FARS2: variants seen among roughly 807,000 people sequenced by gnomAD.
FARS2 encodes the protein phenylalanyl-tRNA synthetase 2, mitochondrial.
FARS2 carries 40 observed loss-of-function variants against 46.4 expected under a neutral mutation model. The ratio of observed to expected loss-of-function variants is 0.86; its 90% CI spans 0.67 to 1.12. FARS2 has a LOEUF of 1.12. Among genes scored for constraint, FARS2 ranks in the 50% most tolerant of loss-of-function variants. The probability of loss-of-function intolerance (pLI) is 0.00; values close to 1 mark genes in which losing one functional copy is unlikely to be tolerated. For synonymous variants in FARS2, 234 were observed against 214.9 expected, an observed-to-expected ratio of 1.09 and a Z score of -0.78; for missense variants, 513 against 567.9, an observed-to-expected ratio of 0.90 and a Z score of 0.98.
Position 5,664,081 on chromosome 6 carries a change from A to G in FARS2, c.1217+50761A>G, listed in dbSNP as rs188190885. Among the ~76,000 whole-genome samples, 613 of 152,374 alleles carry G rather than the reference A, an allele frequency of 4.0e-3. 2 individuals are homozygous for G. The highest frequency in any genetic ancestry group is 4.2e-3 in the Admixed American group (64 of 15,310). ...GCTCTGCAGTGAAAGTGCAATCTGA[A>G]CACAAATTAAGTGGCAGCTTTGGGG... On this transcript the variant is annotated intron_variant, in intron 6 of 6. Transcript: ENST00000274680.
chr6:5,313,670 G>A (rs887765582), intron 1 of FARS2, among the ~76,000 whole-genome samples: 16 of 152,068 alleles, frequency 1.1e-4, no homozygotes, highest in African/African-American at 3.6e-4. Context: ...CAGCCTAGGT[G>A]GAGCCTTAGA....
Position 5,369,098 on chromosome 6 carries a change from T to C in FARS2, c.528T>C (p.Asp176=), listed in dbSNP as rs1208331324. The change falls in exon 2 of 7, where the codon GAT becomes GAC. Residue 176 remains aspartate (D), a synonymous_variant. Transcript: ENST00000274680. Reference sequence around the variant, plus strand: ...TGGATGCCTTCCTGGTGGTGGGTGATGTCTACAGGCGTGACCAGATCGACT... The same window carrying C: ...TGGATGCCTTCCTGGTGGTGGGTGACGTCTACAGGCGTGACCAGATCGACT... ...AGLDAFLVVG[D]VYRRDQIDSQ... is the part of the protein sequence containing the mutation. 1.2e-6 allele frequency: 2 copies of C among 1,613,718 alleles called. No homozygotes were observed. Among genetic ancestry groups the C allele is most frequent in the Non-Finnish European group, 1.7e-6 (2 of 1,180,010 alleles).
At chr6:5,527,713 T>G (rs762754525) in intron 4 of FARS2, among the ~76,000 whole-genome samples, 104 of 152,310 alleles carry the variant, frequency 6.8e-4, no homozygotes, top group Non-Finnish European at 4.4e-4. Context: ...TCCCTGAAGC[T>G]CTGTATGCAA....
At chr6:5,664,209 A>G (rs1443672069) in intron 6 of FARS2, among the ~76,000 whole-genome samples, 1 of 152,238 alleles carries the variant, frequency 6.6e-6, no homozygotes, top group Non-Finnish European at 1.5e-5. Context: ...TCTCTATGCT[A>G]ATTTTATGCT....
At chr6:5,733,271 A>G (rs1195870567) in intron 6 of FARS2, among the ~76,000 whole-genome samples, 3 of 152,156 alleles carry the variant, frequency 2.0e-5, no homozygotes, top group Admixed American at 2.0e-4. Flanking sequence ...TAATTAAAAA[A>G]CCAAAAAAGC....
intron 6 of FARS2, among the ~76,000 whole-genome samples, chr6:5,745,537 C>T (rs370817602): frequency 6.6e-6 from 1 of 152,154 alleles, no homozygotes. Flanking sequence ...ATAAATCAAT[C>T]GATGAGTCTT....
At chr6:5,379,881 A>G (rs1360266343) in intron 2 of FARS2, among the ~76,000 whole-genome samples, 2 of 152,176 alleles carry the variant, frequency 1.3e-5, no homozygotes, top group African/African-American at 4.8e-5. Flanking sequence ...CCAGCTGGCA[A>G]AGGAAAATAT....
rs575597736 is a variant in FARS2, at chr6:5,569,482, C to T, written c.1065+24142C>T. Among the ~76,000 whole-genome samples the T allele has an allele frequency of 2.4e-3, 362 of 152,256 alleles. 2 individuals carry two copies. Among genetic ancestry groups the T allele is most frequent in the Non-Finnish European group, 3.0e-3 (202 of 68,024 alleles). ...TCAACTGATCCACCCACCTCGGCTT[C>T]CCAGAGTGCTGGGATTACAGGCGTG... On this transcript the variant is annotated intron_variant, in intron 5 of 6. Transcript: ENST00000274680.
At chr6:5,524,236 G>A (rs78163041) in intron 4 of FARS2, among the ~76,000 whole-genome samples, 20 of 152,224 alleles carry the variant, frequency 1.3e-4, no homozygotes, top group Admixed American at 1.2e-3. Flanking sequence ...CCATAGGAGA[G>A]AGGGAACTTG....
intron 5 of FARS2, among the ~76,000 whole-genome samples, chr6:5,551,635 A>G (rs922088148): frequency 3.3e-5 from 5 of 152,242 alleles, no homozygotes; most frequent in Non-Finnish European, 5.9e-5. Flanking sequence ...TTAAAACAAC[A>G]TGAGCTTATT....
intron 5 of FARS2, among the ~76,000 whole-genome samples, chr6:5,566,058 T>A (rs992547358): frequency 6.6e-6 from 1 of 152,228 alleles, no homozygotes; most frequent in African/African-American, 2.4e-5. Flanking sequence ...ATTAGTGTCT[T>A]AAGAGCTCCT....
intron 4 of FARS2, among the ~76,000 whole-genome samples, chr6:5,472,261 G>T (rs764033237): frequency 6.6e-6 from 1 of 152,138 alleles, no homozygotes; most frequent in Non-Finnish European, 1.5e-5. Context: ...CAGCATATGC[G>T]CTGCTGTTAA....
intron 5 of FARS2, among the ~76,000 whole-genome samples, chr6:5,567,754 T>C (rs571204017): frequency 2.0e-4 from 30 of 152,374 alleles, no homozygotes; most frequent in African/African-American, 7.2e-4. Context: ...AACATCATCT[T>C]TGAGTGTATG....
At chr6:5,701,381 C>T (rs1758427053) in intron 6 of FARS2, among the ~76,000 whole-genome samples, 1 of 152,218 alleles carries the variant, frequency 6.6e-6, no homozygotes, top group Non-Finnish European at 1.5e-5. Context: ...AGTCTGGAGG[C>T]GTGGGGCGTG....
chr6:5,458,701 G>A (rs967751863), intron 4 of FARS2, among the ~76,000 whole-genome samples: 3 of 152,104 alleles, frequency 2.0e-5, no homozygotes, highest in Admixed American at 2.0e-4. Flanking sequence ...CAAAATGTCT[G>A]TTTCTTATTC....
At chr6:5,575,326 C>G (rs185357050) in intron 5 of FARS2, among the ~76,000 whole-genome samples, 1 of 152,168 alleles carries the variant, frequency 6.6e-6, no homozygotes, top group Non-Finnish European at 1.5e-5. Context: ...TGGAGCATGG[C>G]AAATAATGAT....
At chr6:5,420,407 G>A (rs1762478167) in intron 3 of FARS2, among the ~76,000 whole-genome samples, 2 of 152,294 alleles carry the variant, frequency 1.3e-5, no homozygotes, top group South Asian at 4.2e-4. Context: ...TCTCATCTGA[G>A]ACAGGGCAAG....
chr6:5,680,035 C>T (rs1040958832), intron 6 of FARS2, among the ~76,000 whole-genome samples: 1 of 152,198 alleles, frequency 6.6e-6, no homozygotes, highest in Non-Finnish European at 1.5e-5. Flanking sequence ...ATGGAAACAG[C>T]TATTGCCAGG....
At chr6:5,688,810 G>T (rs889097131) in intron 6 of FARS2, among the ~76,000 whole-genome samples, 8 of 152,094 alleles carry the variant, frequency 5.3e-5, no homozygotes, top group African/African-American at 1.9e-4. Context: ...GGTAGAATTC[G>T]GCTGTGAATC....
Sources: allele counts gnomAD v4.1 joint callset (sites outside exome capture counted in the v4.1 genomes callset), GRCh38; gene constraint gnomAD v4.1.1; transcripts MANE v1.5; gene names NCBI Gene and HGNC (gene_info 2026-07-23, HGNC 2026-07-21).